TCERG1L: variants seen among roughly 807,000 people sequenced by gnomAD.
TCERG1L encodes transcription elongation regulator 1 like.
In TCERG1L, 37 loss-of-function variants were observed where a neutral mutation model predicts 56.3. The ratio of observed to expected loss-of-function variants is 0.66; its 90% CI spans 0.51 to 0.87. The LOEUF is 0.87. TCERG1L is among the 40% of genes least tolerant of loss of function. The probability of loss-of-function intolerance (pLI) is 0.00; values close to 1 mark genes in which losing one functional copy is unlikely to be tolerated. For synonymous variants in TCERG1L, 324 were observed against 326.3 expected (o/e 0.99, Z 0.08); for missense variants, 799 against 774.2 (o/e 1.03, Z -0.38).
intron 9 of TCERG1L, among the ~76,000 whole-genome samples, chr10:131,111,941 C>CCAG (rs1845417178): frequency 7.0e-6 from 1 of 143,094 alleles, no homozygotes; most frequent in Non-Finnish European, 1.6e-5. Flanking sequence ...GCCCTGCCCC[C>CCAG]CAGCCTCTCT....
intron 9 of TCERG1L, among the ~76,000 whole-genome samples, chr10:131,104,802 A>G (rs891140886): frequency 6.6e-6 from 1 of 152,236 alleles, no homozygotes; most frequent in Non-Finnish European, 1.5e-5. Flanking sequence ...TTTAAAAATA[A>G]ATTATTTTGT....
At position 131,117,224 on chromosome 10, in the gene TCERG1L, C is replaced by T. The variant is rs551815805; in HGVS notation, c.1260-290G>A. 9.9e-5 allele frequency among the ~76,000 whole-genome samples: 15 copies of T among 152,270 alleles called. No homozygotes were observed. The South Asian group carries it at 2.1e-3, about 21-fold the overall frequency. The stretch of plus-strand genomic sequence containing the variant: ...GTGGAAACATACACTGGCTGCCAAC[C>T]GGCATGTCTCCTGGGCAGGCCCTCA... On this transcript the variant is annotated intron_variant, in intron 8 of 11. Transcript: ENST00000368642.
intron 4 of TCERG1L, among the ~76,000 whole-genome samples, chr10:131,171,683 G>A (rs1010047076): frequency 2.0e-5 from 3 of 152,146 alleles, no homozygotes; most frequent in East Asian, 1.9e-4. Context: ...TGATTCTCCC[G>A]TCTCAGCCTC....
chr10:131,148,926 C>T (rs1389910665), intron 6 of TCERG1L, among the ~76,000 whole-genome samples: 3 of 152,232 alleles, frequency 2.0e-5, no homozygotes, highest in Non-Finnish European at 4.4e-5. Flanking sequence ...TGAGCACCAG[C>T]ATCTGGGAGC....
chr10:131,311,573 C>T lies in TCERG1L; in HGVS notation c.63G>A (p.Arg21=), dbSNP rs1846901212. The change falls in exon 1 of 12, where the codon CGG becomes CGA. Residue 21 remains arginine (R), a synonymous_variant. Transcript: ENST00000368642. This position sits in a 1 kb window ranked among gnomAD's most constrained non-coding sequence, Gnocchi z 4.0. The part of the protein sequence containing the change: ...RRQLQQQQPR[R]RQPLLWPMDA... ...CCATCGGCCAGAGGAGAGGCTGCCGCCGCCGGGGCTGCTGCTGCTGCAGCT... is the reference window on the plus strand; with the variant it reads ...CCATCGGCCAGAGGAGAGGCTGCCGTCGCCGGGGCTGCTGCTGCTGCAGCT... The T allele has an allele frequency of 1.7e-6, 2 of 1,161,242 alleles. No individual in the cohort carries two copies. Among genetic ancestry groups the T allele is most frequent in the Non-Finnish European group, 2.1e-6 (2 of 943,382 alleles). The allele number at this position is 1,161,242 out of a possible 1,614,324, so 71.9% of individuals were successfully genotyped here. A position where few individuals can be genotyped will look rare whatever the true frequency, so the allele number is the denominator to read the frequency against.
intron 8 of TCERG1L, among the ~76,000 whole-genome samples, chr10:131,131,940 A>T (rs1845622943): frequency 6.6e-6 from 1 of 152,210 alleles, no homozygotes; most frequent in African/African-American, 2.4e-5. Flanking sequence ...TGCGACATAG[A>T]AATACATAAA....
intron 4 of TCERG1L, among the ~76,000 whole-genome samples, chr10:131,221,725 G>A (rs964522814): frequency 6.6e-6 from 1 of 152,170 alleles, no homozygotes; most frequent in Non-Finnish European, 1.5e-5. Context: ...ACTTAGCCAC[G>A]TGACAGACAG....
chr10:131,309,413 T>C, intron 1 of TCERG1L, 114 bp from the exon 2 acceptor site: 1 of 1,358,710 alleles, frequency 7.4e-7, no homozygotes, highest in East Asian at 2.6e-5. Context: ...ATGTATGTAT[T>C]TGATTATCAG....
chr10:131,262,946 C>A (rs1421001837), intron 3 of TCERG1L, among the ~76,000 whole-genome samples: 1 of 152,070 alleles, frequency 6.6e-6, no homozygotes, highest in Non-Finnish European at 1.5e-5. Context: ...AGACTGCCAT[C>A]TTCCGCTTGG....
intron 8 of TCERG1L, among the ~76,000 whole-genome samples, chr10:131,117,377 G>A (rs1845470463): frequency 1.3e-5 from 2 of 152,194 alleles, no homozygotes; most frequent in African/African-American, 2.4e-5. Context: ...CTCACTCATC[G>A]CCCCTTCATT....
chr10:131,222,607 G>C (rs532285872), intron 4 of TCERG1L, among the ~76,000 whole-genome samples: 2 of 152,204 alleles, frequency 1.3e-5, no homozygotes, highest in Admixed American at 6.5e-5. Context: ...TTTCACCAAG[G>C]CTCCCTGAAC....
In TCERG1L at chr10:131,309,721, A is replaced by C. The variant is rs58113800; in HGVS notation, c.343-422T>G. Among the ~76,000 whole-genome samples, 1,430 of 150,742 alleles carry C rather than the reference A, an allele frequency of 9.5e-3. 29 individuals carry two copies. Among genetic ancestry groups the C allele is most frequent in the African/African-American group, 0.033 (1,352 of 41,266 alleles). On this transcript the variant is annotated intron_variant, in intron 1 of 11. Transcript: ENST00000368642. ...TCCTTTCAGCATTGCATTTTGTATT[A>C]ATTACTTTTGTCGTTTTACAAATAA...
At chr10:131,305,509 A>C (rs1430651076) in intron 3 of TCERG1L, among the ~76,000 whole-genome samples, 1 of 152,118 alleles carries the variant, frequency 6.6e-6, no homozygotes, top group African/African-American at 2.4e-5. Flanking sequence ...CAAACGATCC[A>C]GTTCATTCAA....
Position 131,093,168 on chromosome 10 carries a change from C to A in TCERG1L, c.1755G>T (p.Met585Ile). 1 of 1,612,530 alleles carries A rather than the reference C, an allele frequency of 6.2e-7. No individual in the cohort carries two copies. The highest frequency in any genetic ancestry group is 8.5e-7 in the Non-Finnish European group (1 of 1,179,386). ...ATTGCATTTTTTCACAAACTCATCT[C>A]ATTTTCCGCAGCCTTAGTCTGTTTT... ...DKENRLRLRK[M>I]R Residue 585 changes from methionine to isoleucine, a missense_variant, in exon 12 of 12, where the codon ATG becomes ATT. Physicochemically the swap from Met to Ile is conservative, Grantham distance 10 (BLOSUM62 1). Transcript: ENST00000368642.
rs533880262 is a variant in TCERG1L at position 131,210,349 on chromosome 10, C to T, written c.857-43464G>A. On this transcript the variant is annotated intron_variant, in intron 4 of 11. Coordinates refer to ENST00000368642, the MANE Select transcript of TCERG1L (RefSeq NM_174937.4). ...CCACAGTCCCCCCAACCCTCTGCCC[C>T]CAGGGCCATCCTTGGCAGGAACTAA... Among the ~76,000 whole-genome samples the T allele has an allele frequency of 2.5e-3, 386 of 152,320 alleles. 2 individuals are homozygous for T. Among genetic ancestry groups the T allele is most frequent in the African/African-American group, 8.8e-3 (367 of 41,556 alleles).
intron 4 of TCERG1L, among the ~76,000 whole-genome samples, chr10:131,233,220 G>A (rs1052613541): frequency 2.0e-5 from 3 of 152,206 alleles, no homozygotes; most frequent in Non-Finnish European, 4.4e-5. Flanking sequence ...AGGAAGAAAG[G>A]AGGGAGTGAG....
Position 131,279,251 on chromosome 10 carries a change from C to G in TCERG1L, c.671-18807G>C, listed in dbSNP as rs368978428. 1.6e-4 allele frequency among the ~76,000 whole-genome samples: 24 copies of G among 152,026 alleles called. No individual in the cohort carries two copies. The East Asian group carries it at 3.9e-3, about 24-fold the overall frequency. ...CCGCTCTAAACATGGGTTGACTTTA[C>G]GAAGGGACAGAGGAAAGGTGAGAGG... On this transcript the variant is annotated intron_variant, in intron 3 of 11. Coordinates refer to ENST00000368642, the MANE Select transcript of TCERG1L (RefSeq NM_174937.4).
At chr10:131,145,656 T>TA (rs1263768326) in intron 7 of TCERG1L, among the ~76,000 whole-genome samples, 2 of 152,206 alleles carry the variant, frequency 1.3e-5, no homozygotes, top group African/African-American at 2.4e-5. Flanking sequence ...CATCTAGCAT[T>TA]AGCCCTCAAT....
At position 131,311,553 on chromosome 10, in the gene TCERG1L, G is replaced by T; in HGVS notation, c.83C>A (p.Pro28Gln). 8.5e-7 allele frequency: 1 copy of T among 1,174,780 alleles called. No homozygotes were observed. Among genetic ancestry groups the T allele is most frequent in the Non-Finnish European group, 1.1e-6 (1 of 951,766 alleles). The allele number at this position is 1,174,780 out of a possible 1,614,324, so 72.8% of individuals were successfully genotyped here. ...QPRRRQPLLW[P>Q]MDAEPPPPPP... ...CGGCGGCGGCGGCTCTGCGTCCATC[G>T]GCCAGAGGAGAGGCTGCCGCCGCCG... is the stretch of plus-strand genomic sequence containing the variant. The change falls in exon 1 of 12, where the codon CCG becomes CAG. Residue 28 changes from proline to glutamine, a missense_variant. By Grantham distance (76) the Pro-to-Gln change is moderately conservative. Transcript: ENST00000368642. The surrounding 1 kb of genome is among the most constrained non-coding windows in gnomAD (Gnocchi z 4.0).
Sources: allele counts gnomAD v4.1 joint callset (sites outside exome capture counted in the v4.1 genomes callset), GRCh38; gene constraint gnomAD v4.1.1; non-coding constraint Gnocchi (gnomAD v3.1); transcripts MANE v1.5; gene names NCBI Gene and HGNC (gene_info 2026-07-23, HGNC 2026-07-21).